The following ZFHX3 variants were observed in gnomAD, a reference collection of about 807,000 sequenced individuals.
The protein encoded by ZFHX3 is zinc finger homeobox protein 3.
In ZFHX3, 42 loss-of-function variants were observed where a neutral mutation model predicts 279.1. The ratio of observed to expected loss-of-function variants is 0.15; its 90% CI spans 0.12 to 0.19. The LOEUF (loss-of-function observed/expected upper bound fraction) is 0.19. ZFHX3 is among the 10% of genes least tolerant of loss of function. ZFHX3 has a pLI of 1.00. For synonymous variants in ZFHX3, 2,293 were observed against 1,957.8 expected (o/e 1.17, Z -4.52); for missense variants, 4,981 against 4,754.0 (o/e 1.05, Z -1.40).
chr16:72,986,045 C>T (rs1424853577), intron 1 of ZFHX3, among the ~76,000 whole-genome samples: 1 of 152,064 alleles, frequency 6.6e-6, no homozygotes, highest in African/African-American at 2.4e-5. Flanking sequence ...TTTAACCACC[C>T]CCCACCCCGC....
intron 3 of ZFHX3, among the ~76,000 whole-genome samples, chr16:73,336,942 T>G (rs1228281334): frequency 6.6e-6 from 1 of 152,122 alleles, no homozygotes; most frequent in African/African-American, 2.4e-5. Context: ...TGTCGAGCCT[T>G]AATATCACCC....
At chr16:73,608,918 T>G (rs1244367525) in intron 2 of ZFHX3, 6 of 152,248 alleles carry the variant, frequency 3.9e-5, no homozygotes, top group Admixed American at 3.3e-4. Flanking sequence ...GCATTTCTAA[T>G]TACTCTTTTT....
chr16:73,304,201 C>T (rs1384566678), intron 4 of ZFHX3, among the ~76,000 whole-genome samples: 4 of 152,064 alleles, frequency 2.6e-5, no homozygotes. Context: ...TTTGTGCCTC[C>T]AAGGCTGGTT....
intron 4 of ZFHX3, among the ~76,000 whole-genome samples, chr16:73,274,743 C>T (rs1402405855): frequency 6.6e-6 from 1 of 152,160 alleles, no homozygotes; most frequent in African/African-American, 2.4e-5. Flanking sequence ...CAACTTACTC[C>T]ATTAGACTTC....
At chr16:73,409,138 A>G (rs576156150) in intron 3 of ZFHX3, among the ~76,000 whole-genome samples, 32 of 152,342 alleles carry the variant, frequency 2.1e-4, no homozygotes, top group Non-Finnish European at 4.4e-4. Flanking sequence ...ACTTGCTACC[A>G]AGCCAACTAT....
At chr16:73,253,803 C>T (rs1414107706) in intron 5 of ZFHX3, among the ~76,000 whole-genome samples, 1 of 151,994 alleles carries the variant, frequency 6.6e-6, no homozygotes, top group Non-Finnish European at 1.5e-5. Flanking sequence ...GGAGCAGAGA[C>T]AGAAGACACA....
Position 73,891,027 on chromosome 16 carries a change from C to CA in ZFHX3, c.-1608+623_-1608+624insT, listed in dbSNP as rs946525251. ...CCCTACCCCACCTCGCCGCTCCCCC[C>CA]CTCCACCTCACCCCCGCTCAGAGAA... On this transcript the variant is annotated intron_variant, in intron 1 of 17. Coordinates refer to the ZFHX3 transcript ENST00000641206. Among the ~76,000 whole-genome samples the CA allele has an allele frequency of 2.3e-4, 34 of 150,614 alleles. 1 individual carries two copies. Among genetic ancestry groups the CA allele is most frequent in the African/African-American group, 7.6e-4 (31 of 40,788 alleles).
intron 5 of ZFHX3, among the ~76,000 whole-genome samples, chr16:73,200,000 A>G (rs1221638849): frequency 6.6e-6 from 1 of 152,246 alleles, no homozygotes; most frequent in Non-Finnish European, 1.5e-5. Flanking sequence ...GTCAATTTGT[A>G]AAATATGTGT....
intron 2 of ZFHX3, among the ~76,000 whole-genome samples, chr16:73,477,899 C>A (rs2018791288): frequency 6.6e-6 from 1 of 152,150 alleles, no homozygotes; most frequent in African/African-American, 2.4e-5. Context: ...TTGGCAGGAG[C>A]TGGTGGAACA....
intron 3 of ZFHX3, among the ~76,000 whole-genome samples, chr16:73,379,501 C>T (rs2016784086): frequency 6.6e-6 from 1 of 152,204 alleles, no homozygotes; most frequent in African/African-American, 2.4e-5. Flanking sequence ...ACCTAACTCT[C>T]TTCACCCACA....
intron 1 of ZFHX3, among the ~76,000 whole-genome samples, chr16:72,982,797 G>C (rs896453496): frequency 6.6e-6 from 1 of 152,184 alleles, no homozygotes; most frequent in African/African-American, 2.4e-5. Flanking sequence ...CCTCCTCTTA[G>C]ACCCTAGACT....
At chr16:73,092,125 G>T (rs1966091392) in intron 8 of ZFHX3, among the ~76,000 whole-genome samples, 1 of 152,212 alleles carries the variant, frequency 6.6e-6, no homozygotes, top group African/African-American at 2.4e-5. Context: ...AAAAGGGAAA[G>T]TCACTTAGTA....
chr16:72,796,151 C>T lies in ZFHX3; in HGVS notation c.6531G>A (p.Glu2177=), dbSNP rs2035892084. 2 of 1,614,190 alleles carry T rather than the reference C, an allele frequency of 1.2e-6. No individual in the cohort carries two copies. Among genetic ancestry groups the T allele is most frequent in the Non-Finnish European group, 1.7e-6 (2 of 1,180,046 alleles). The change falls in exon 9 of 10, where the codon GAG becomes GAA. Residue 2177 remains glutamate (E), a synonymous_variant. Coordinates refer to ENST00000268489, the MANE Select transcript of ZFHX3 (RefSeq NM_006885.4). ...NNSPSEEQIK[E]MADKSGLPQK... ...GGGGCAACCCGGACTTGTCTGCCAT[C>T]TCTTTTATTTGCTCTTCACTGGGGG...
intron 3 of ZFHX3, among the ~76,000 whole-genome samples, chr16:73,424,380 C>T: frequency 6.6e-6 from 1 of 152,154 alleles, no homozygotes; most frequent in Non-Finnish European, 1.5e-5. Flanking sequence ...CCATTTCTAG[C>T]TTTTGCTCTT....
chr16:72,958,915 G>T lies in ZFHX3; in HGVS notation c.1231C>A (p.Leu411Met). The change falls in exon 2 of 10, where the codon CTG (leucine) becomes ATG (methionine). Residue 411 changes from leucine (L) to methionine (M), a missense_variant. Physicochemically the swap from Leu to Met is conservative, Grantham distance 15. Transcript: ENST00000268489. Reference protein sequence around the residue: ...LNLGGLTSSVLKTPITSVPLG... With the variant: ...LNLGGLTSSVMKTPITSVPLG... ...GGGACTGAGGTAATGGGGGTCTTCAGTACCGAGCTGGTGAGCCCGCCAAGG... is the reference window on the plus strand; with the variant it reads ...GGGACTGAGGTAATGGGGGTCTTCATTACCGAGCTGGTGAGCCCGCCAAGG... 1.9e-6 allele frequency: 3 copies of T among 1,602,924 alleles called. No homozygotes were observed. Among genetic ancestry groups the T allele is most frequent in the Middle Eastern group, 1.7e-4 (1 of 5,984 alleles).
At chr16:73,618,321 T>C (rs1043436564) in intron 2 of ZFHX3, among the ~76,000 whole-genome samples, 3 of 152,162 alleles carry the variant, frequency 2.0e-5, no homozygotes, top group African/African-American at 4.8e-5. Context: ...GAAAATTCTA[T>C]CTCACCACAA....
At chr16:73,779,081 C>A (rs1959361204) in intron 1 of ZFHX3, among the ~76,000 whole-genome samples, 1 of 152,196 alleles carries the variant, frequency 6.6e-6, no homozygotes, top group Admixed American at 6.5e-5. Flanking sequence ...GAAGCCCCAC[C>A]AGATGGCTCC....
In ZFHX3 at chr16:73,631,925, TCTCACACACACA is replaced by T. The variant is rs756313294; in HGVS notation, c.-1547+48243_-1547+48254del. 6.7e-3 allele frequency among the ~76,000 whole-genome samples: 612 copies of T among 90,890 alleles called. 2 individuals carry two copies. The highest frequency in any genetic ancestry group is 0.017 in the Middle Eastern group (3 of 180). 59.6% of individuals were successfully genotyped at this position (90,890 alleles called of 152,430 possible). On this transcript the variant is annotated intron_variant, in intron 2 of 17. Transcript: ENST00000641206. ...CTCTCTCTCTCTCTCTCTCTCTCTC[TCTCACACACACA>T]CACACACACACACACACACACACAA...
At chr16:73,325,350 G>T (rs1488912903) in intron 3 of ZFHX3, among the ~76,000 whole-genome samples, 1 of 152,180 alleles carries the variant, frequency 6.6e-6, no homozygotes, top group Non-Finnish European at 1.5e-5. Flanking sequence ...AAAATGGTGT[G>T]GGCAGTGCTA....
Sources: allele counts gnomAD v4.1 joint callset (sites outside exome capture counted in the v4.1 genomes callset), GRCh38; gene constraint gnomAD v4.1.1; transcripts MANE v1.5; gene names NCBI Gene and HGNC (gene_info 2026-07-23, HGNC 2026-07-21).